The following NHS variants were observed in gnomAD, a reference collection of about 807,000 sequenced individuals.
NHS encodes NHS actin remodeling regulator.
A neutral mutation model predicts 72.5 loss-of-function variants in NHS; 5 were observed. That is an observed-to-expected ratio of 0.07 (90% CI 0.04 to 0.14). The LOEUF (loss-of-function observed/expected upper bound fraction) is 0.14, where lower values mean the gene tolerates loss of function less well. Among genes scored for constraint, NHS ranks in the 10% least tolerant of loss-of-function variants. The pLI is 1.00. For synonymous variants in NHS, 464 were observed against 547.7 expected, an observed-to-expected ratio of 0.85 and a Z score of 2.13; for missense variants, 1,072 against 1,355.7, an observed-to-expected ratio of 0.79 and a Z score of 3.29.
At chrX:17,494,005 G>A (rs1473802714) in intron 1 of NHS, among the ~76,000 whole-genome samples, 1 of 109,817 alleles carries the variant, frequency 9.1e-6, no homozygotes, top group Non-Finnish European at 1.9e-5. Flanking sequence ...ATAAGACATT[G>A]CTGCAAGGGT....
intron 1 of NHS, among the ~76,000 whole-genome samples, chrX:17,464,087 G>A (rs2064860616): frequency 8.9e-6 from 1 of 111,750 alleles, no homozygotes; most frequent in Non-Finnish European, 1.9e-5. Flanking sequence ...TGGCTTTGGG[G>A]AAAAGGTGTT....
At chrX:17,655,845 C>T (rs746487817) in intron 1 of NHS, among the ~76,000 whole-genome samples, 3 of 113,069 alleles carry the variant, frequency 2.7e-5, no homozygotes, top group East Asian at 2.8e-4. Context: ...TGATGGAGCG[C>T]GCCGTGCGCA....
intron 3 of NHS, among the ~76,000 whole-genome samples, chrX:17,709,584 G>A (rs1054616473): frequency 8.9e-6 from 1 of 112,075 alleles, no homozygotes; most frequent in East Asian, 2.8e-4. Flanking sequence ...ATTATTACAA[G>A]ACTGACAGGG....
chrX:17,651,038 C>T (rs1216772801), intron 1 of NHS, among the ~76,000 whole-genome samples: 1 of 112,337 alleles, frequency 8.9e-6, no homozygotes, highest in Non-Finnish European at 1.9e-5. Context: ...CTTCCAATAA[C>T]TTCAGCTTTC....
At chrX:17,682,191 C>G (rs910313921) in intron 1 of NHS, among the ~76,000 whole-genome samples, 6 of 111,464 alleles carry the variant, frequency 5.4e-5, no homozygotes, top group African/African-American at 1.6e-4. Context: ...AATCCCCTTC[C>G]CATCCTCCCA....
chrX:17,387,162 C>G (rs1451942734), intron 1 of NHS, among the ~76,000 whole-genome samples: 2 of 112,052 alleles, frequency 1.8e-5, no homozygotes, highest in African/African-American at 6.5e-5. Context: ...GGTGCACTCC[C>G]CTACCTTCCT....
intron 1 of NHS, among the ~76,000 whole-genome samples, chrX:17,381,409 A>G (rs1038871778): frequency 2.7e-5 from 3 of 111,682 alleles, no homozygotes; most frequent in African/African-American, 9.8e-5. Context: ...AAGAAATAAA[A>G]TGTTACTCCA....
rs1365009034 is a variant in NHS, at chrX:17,561,570, G to GCA, written c.566-126171_566-126170insAC. The stretch of plus-strand genomic sequence containing the variant: ...CATGCAAGTGCATGCGCGCGCGCGC[G>GCA]CGCGCACACACACACACACACACAC... On this transcript the variant is annotated intron_variant, in intron 1 of 8. Transcript: ENST00000676302. 9.8e-3 allele frequency among the ~76,000 whole-genome samples: 619 copies of GCA among 63,064 alleles called. 5 individuals are homozygous for GCA. Among genetic ancestry groups the GCA allele is most frequent in the African/African-American group, 0.04 (558 of 14,009 alleles). 54.8% of individuals were successfully genotyped at this position (63,064 alleles called of 115,157 possible).
chrX:17,724,632 C>T (rs1376906309), intron 6 of NHS, among the ~76,000 whole-genome samples: 1 of 112,228 alleles, frequency 8.9e-6, no homozygotes. Flanking sequence ...TAGATTTAGG[C>T]ATATACATTC....
chrX:17,401,709 G>A (rs1422696334), intron 1 of NHS, among the ~76,000 whole-genome samples: 1 of 111,987 alleles, frequency 8.9e-6, no homozygotes, highest in Non-Finnish European at 1.9e-5. Context: ...TTGGCTTTCA[G>A]ACATATGATT....
intron 1 of NHS, among the ~76,000 whole-genome samples, chrX:17,571,646 G>T (rs1234689875): frequency 9.0e-6 from 1 of 110,955 alleles, no homozygotes; most frequent in Non-Finnish European, 1.9e-5. Context: ...TTTTGAAGGG[G>T]TTTTTGTGTC....
At chrX:17,650,960 A>C (rs1877958127) in intron 1 of NHS, among the ~76,000 whole-genome samples, 1 of 112,271 alleles carries the variant, frequency 8.9e-6, no homozygotes, top group Non-Finnish European at 1.9e-5. Context: ...TAGTAGAAGA[A>C]TGAAAGCTTT....
intron 1 of NHS, among the ~76,000 whole-genome samples, chrX:17,394,569 G>A (rs767681805): frequency 8.0e-5 from 9 of 112,073 alleles, no homozygotes; most frequent in Non-Finnish European, 1.5e-4. Flanking sequence ...GAATGCAAAT[G>A]AGCTTCATGC....
rs144606773 is a variant in NHS, at chrX:17,383,081, G to A, written c.565+6759G>A. 9.0e-4 allele frequency among the ~76,000 whole-genome samples: 101 copies of A among 111,993 alleles called. No individual in the cohort carries two copies. In the East Asian group the frequency reaches 0.024, roughly 27 times the overall value. On this transcript the variant is annotated intron_variant, in intron 1 of 8. Coordinates refer to ENST00000676302, the MANE Select transcript of NHS (RefSeq NM_001291867.2). ...CTGAGCTCCAGTTACCCACAGTGAT[G>A]ACTTATTTGATGACACATCCTATCT... is the stretch of plus-strand genomic sequence containing the variant.
chrX:17,606,443 G>A (rs2065679902), intron 1 of NHS, among the ~76,000 whole-genome samples: 3 of 111,864 alleles, frequency 2.7e-5, no homozygotes, highest in Non-Finnish European at 5.6e-5. Flanking sequence ...TTGTCTTCCC[G>A]CCAAGTTTCC....
At chrX:17,669,176 A>G (rs1482730464) in intron 1 of NHS, among the ~76,000 whole-genome samples, 1 of 112,461 alleles carries the variant, frequency 8.9e-6, no homozygotes. Context: ...CTTATTTGTC[A>G]TCTATCTCTC....
In NHS at chrX:17,690,894, G is replaced by A. The variant is rs543370107; in HGVS notation, c.719-1441G>A. Reference sequence around the variant, plus strand: ...TTTATGTTCATAAATCATGGAGAGAGAGATTCATAAGCAACTATAAATAGA... The same window carrying A: ...TTTATGTTCATAAATCATGGAGAGAAAGATTCATAAGCAACTATAAATAGA... On this transcript the variant is annotated intron_variant, in intron 2 of 8. Transcript: ENST00000676302. 8.0e-5 allele frequency among the ~76,000 whole-genome samples: 9 copies of A among 111,874 alleles called. 1 individual carries two copies. In the South Asian group the frequency reaches 3.0e-3, roughly 38 times the overall value.
intron 1 of NHS, among the ~76,000 whole-genome samples, chrX:17,569,414 G>A (rs2065463406): frequency 9.3e-6 from 1 of 107,386 alleles, no homozygotes; most frequent in African/African-American, 3.7e-5. Context: ...TTCTCTGATG[G>A]CCAGTGATGA....
chrX:17,582,194 A>T (rs1235076273), intron 1 of NHS, among the ~76,000 whole-genome samples: 4 of 112,022 alleles, frequency 3.6e-5, no homozygotes, highest in Non-Finnish European at 7.5e-5. Flanking sequence ...AAAACCCAGC[A>T]TTGGAGAAAT....
Sources: gnomAD v4.1 joint callset for allele counts (sites outside exome capture counted in the v4.1 genomes callset) on GRCh38, gnomAD v4.1.1 for gene constraint, MANE v1.5 for transcripts, NCBI Gene and HGNC (gene_info 2026-07-23, HGNC 2026-07-21) for gene names.